The following MYRIP variants were observed in gnomAD, a reference collection of about 807,000 sequenced individuals.
MYRIP encodes the protein myosin VIIA and Rab interacting protein.
Under a neutral mutation model 98.0 loss-of-function variants are expected in MYRIP, and 49 were observed. That is an observed-to-expected ratio of 0.50 (90% confidence interval 0.40 to 0.63). The LOEUF (loss-of-function observed/expected upper bound fraction) is 0.63. Ranked by LOEUF, MYRIP falls within the 30% of genes least tolerant of loss-of-function variation. MYRIP has a pLI of 0.00. For synonymous variants in MYRIP, 404 were observed against 409.5 expected (o/e 0.99, Z 0.16); for missense variants, 1,004 against 1,058.2 (o/e 0.95, Z 0.71).
At chr3:39,896,308 G>A (rs923059159) in intron 1 of MYRIP, among the ~76,000 whole-genome samples, 4 of 152,136 alleles carry the variant, frequency 2.6e-5, no homozygotes, top group African/African-American at 9.7e-5. Flanking sequence ...GTGTGACCCT[G>A]TCTGCTCTGG....
chr3:39,864,857 CAA>C lies in MYRIP; in HGVS notation c.-30-35926_-30-35925del, dbSNP rs1414679014. On this transcript the variant is annotated intron_variant, in intron 1 of 16. Transcript: ENST00000302541. ...CCTAAATAGCCAAGGCAATCCTAAG[CAA>C]AAAGAACAAACCCAGAGACATCATA... 3.3e-5 allele frequency among the ~76,000 whole-genome samples: 5 copies of C among 152,160 alleles called. No individual in the cohort carries two copies. The East Asian group carries it at 9.6e-4, about 29-fold the overall frequency.
Position 39,879,792 on chromosome 3 carries a change from C to T in MYRIP, c.-30-20995C>T, listed in dbSNP as rs1575336863. Among the ~76,000 whole-genome samples the T allele has an allele frequency of 2.0e-5, 3 of 152,292 alleles. No homozygotes were observed. The East Asian group carries it at 5.8e-4, about 29-fold the overall frequency. ...GTTCACTGGCCTCCTTGGCATCTCT[C>T]CCACACACACACACAGGTCTGGGAT... On this transcript the variant is annotated intron_variant, in intron 1 of 16. Transcript: ENST00000302541.
intron 7 of MYRIP, among the ~76,000 whole-genome samples, chr3:40,169,517 T>TA (rs1026580748): frequency 1.6e-4 from 25 of 152,334 alleles, no homozygotes; most frequent in Admixed American, 1.4e-3. Context: ...ATTCAGGACT[T>TA]ACAACCAGAG....
intron 2 of MYRIP, among the ~76,000 whole-genome samples, chr3:39,935,413 T>C (rs7646544): frequency 0.21 from 31,600 of 151,954 alleles, 5,052 homozygotes; most frequent in African/African-American, 0.45. Flanking sequence ...GTTATCAAAA[T>C]ACAGATCACC....
At chr3:39,844,614 A>G (rs1319927795) in intron 1 of MYRIP, among the ~76,000 whole-genome samples, 1 of 152,148 alleles carries the variant, frequency 6.6e-6, no homozygotes, top group Non-Finnish European at 1.5e-5. Flanking sequence ...AACCTACTAT[A>G]AACACCTAGC....
intron 1 of MYRIP, among the ~76,000 whole-genome samples, chr3:39,859,870 A>C (rs1009685307): frequency 6.6e-6 from 1 of 152,188 alleles, no homozygotes; most frequent in African/African-American, 2.4e-5. Context: ...CCCCAAAATA[A>C]TAGAAGCCAT....
intron 2 of MYRIP, among the ~76,000 whole-genome samples, chr3:40,006,844 T>C (rs1377981973): frequency 6.6e-6 from 1 of 152,190 alleles, no homozygotes; most frequent in Non-Finnish European, 1.5e-5. Context: ...CTAAATTAAA[T>C]GGGACATGTT....
At chr3:40,047,787 G>C (rs1475611645) in intron 3 of MYRIP, among the ~76,000 whole-genome samples, 1 of 152,156 alleles carries the variant, frequency 6.6e-6, no homozygotes, top group African/African-American at 2.4e-5. Context: ...CGGATGTATG[G>C]CCTGTGAGCG....
chr3:39,973,007 A>G (rs115950680), intron 2 of MYRIP, among the ~76,000 whole-genome samples: 2 of 152,190 alleles, frequency 1.3e-5, no homozygotes, highest in Non-Finnish European at 2.9e-5. Context: ...GAGAATGTAT[A>G]TATGTGTGTT....
At position 40,251,966 on chromosome 3, in the gene MYRIP, TAAGGA is replaced by T. The variant is rs1307887157; in HGVS notation, c.2524_2528del (p.Lys842HisfsTer50). ...TCCAAGGCTCCTCAACAAACAGGACTAAGGAAAGGAAAGGCACCACCAAGGATTTG... is the reference window on the plus strand; with the variant it reads ...TCCAAGGCTCCTCAACAAACAGGACTAAGGAAAGGCACCACCAAGGATTTG... On this transcript the variant is annotated frameshift_variant, in exon 16 of 17. Coordinates refer to ENST00000302541, the MANE Select transcript of MYRIP (RefSeq NM_015460.4). LOFTEE classifies it high-confidence loss of function. 4 of 1,612,958 alleles carry T rather than the reference TAAGGA, an allele frequency of 2.5e-6. No homozygotes were observed. The highest frequency in any genetic ancestry group is 1.3e-5 in the African/African-American group (1 of 75,024).
chr3:39,874,691 C>G (rs1559504486), intron 1 of MYRIP, among the ~76,000 whole-genome samples: 1 of 152,064 alleles, frequency 6.6e-6, no homozygotes, highest in Non-Finnish European at 1.5e-5. Flanking sequence ...GGGATGAAGC[C>G]CACTTTATCA....
intron 2 of MYRIP, among the ~76,000 whole-genome samples, chr3:39,997,598 C>G (rs547391233): frequency 5.3e-5 from 8 of 152,196 alleles, no homozygotes; most frequent in African/African-American, 1.9e-4. Flanking sequence ...CGAATTCTAC[C>G]AGAGGTACAA....
intron 1 of MYRIP, among the ~76,000 whole-genome samples, chr3:39,829,837 A>G (rs1941387783): frequency 6.6e-6 from 1 of 152,200 alleles, no homozygotes; most frequent in Non-Finnish European, 1.5e-5. Flanking sequence ...CACCAAACTC[A>G]CAATTTCTCT....
chr3:40,128,877 C>T (rs1424663139), intron 3 of MYRIP, among the ~76,000 whole-genome samples: 1 of 152,170 alleles, frequency 6.6e-6, no homozygotes, highest in Non-Finnish European at 1.5e-5. Flanking sequence ...CTTCATCATT[C>T]TCAATTTAGC....
intron 2 of MYRIP, among the ~76,000 whole-genome samples, chr3:39,977,442 T>C (rs1945785641): frequency 6.6e-6 from 1 of 152,218 alleles, no homozygotes. Context: ...AGGATGCTTT[T>C]GTTGATATGA....
intron 2 of MYRIP, among the ~76,000 whole-genome samples, chr3:39,963,832 AGT>A (rs1313174170): frequency 2.0e-5 from 3 of 152,216 alleles, no homozygotes; most frequent in African/African-American, 7.2e-5. Context: ...TTACTAGTAT[AGT>A]GACATATTCA....
At chr3:40,023,504 G>A (rs1459180868) in intron 2 of MYRIP, among the ~76,000 whole-genome samples, 2 of 5,658 alleles carry the variant, frequency 3.5e-4, no homozygotes, top group African/African-American at 1.1e-3. Context: ...CTCACTCGAT[G>A]ACATCACTGC....
At position 39,978,722 on chromosome 3, in the gene MYRIP, A is replaced by C. The variant is rs547067335; in HGVS notation, c.111-65328A>C. 5.7e-4 allele frequency among the ~76,000 whole-genome samples: 87 copies of C among 152,316 alleles called. 1 individual carries two copies. In the Middle Eastern group the frequency reaches 0.01, roughly 18 times the overall value. On this transcript the variant is annotated intron_variant, in intron 2 of 16. Transcript: ENST00000302541. ...TGGTCACATAACTAAATTTGAGTTT[A>C]GTGCCCTAATATTTAGATGGGTACC...
chr3:39,919,723 TGTGTGAGA>T (rs1005261318), intron 2 of MYRIP, among the ~76,000 whole-genome samples: 7 of 146,708 alleles, frequency 4.8e-5, no homozygotes, highest in Admixed American at 1.3e-4. Context: ...TGTGTGTGTG[TGTGTGAGA>T]GAGAGAGAGA....
Sources: allele counts gnomAD v4.1 joint callset (sites outside exome capture counted in the v4.1 genomes callset), GRCh38; gene constraint gnomAD v4.1.1; transcripts MANE v1.5; gene names NCBI Gene and HGNC (gene_info 2026-07-23, HGNC 2026-07-21).